The following NCAM2 variants were observed in gnomAD, a reference collection of about 807,000 sequenced individuals.
NCAM2 encodes the protein neural cell adhesion molecule 2.
NCAM2 carries 30 observed loss-of-function variants against 98.1 expected under a neutral mutation model. That is an observed-to-expected ratio of 0.31 (90% CI 0.23 to 0.41). The LOEUF is 0.41. NCAM2 is among the 10% of genes least tolerant of loss of function. NCAM2 has a pLI of 1.00. For synonymous variants in NCAM2, 368 were observed against 342.4 expected (o/e 1.07, Z -0.83); for missense variants, 867 against 1,005.8 (o/e 0.86, Z 1.87).
intron 1 of NCAM2, among the ~76,000 whole-genome samples, chr21:21,020,150 C>T (rs1262294324): frequency 6.6e-6 from 1 of 152,126 alleles, no homozygotes; most frequent in Non-Finnish European, 1.5e-5. Flanking sequence ...ATTCTCCTGC[C>T]TCAGCCTCCC....
At chr21:21,475,568 C>T (rs191305112) in intron 14 of NCAM2, among the ~76,000 whole-genome samples, 5 of 152,244 alleles carry the variant, frequency 3.3e-5, no homozygotes, top group Admixed American at 6.5e-5. Context: ...TCTTTCTTAA[C>T]CTTACTGTCC....
At chr21:21,082,250 T>C (rs2065820119) in intron 1 of NCAM2, among the ~76,000 whole-genome samples, 1 of 125,974 alleles carries the variant, frequency 7.9e-6, no homozygotes, top group Non-Finnish European at 1.6e-5. Context: ...AAAAGAATTC[T>C]CTCATGCTTT....
intron 8 of NCAM2, among the ~76,000 whole-genome samples, 153 bp from the exon 9 acceptor site, chr21:21,373,710 C>T (rs925381035): frequency 6.6e-6 from 1 of 151,648 alleles, no homozygotes; most frequent in Non-Finnish European, 1.5e-5. Flanking sequence ...AAAACTTATT[C>T]TTAGCTATAC....
chr21:21,278,800 A>T (rs535612034), intron 1 of NCAM2, among the ~76,000 whole-genome samples: 55 of 151,836 alleles, frequency 3.6e-4, no homozygotes, highest in African/African-American at 1.2e-3. Context: ...TTATTTATTT[A>T]TTTTTTTTGG....
intron 1 of NCAM2, chr21:21,226,567 A>C (rs2070391625): frequency 6.6e-6 from 1 of 152,052 alleles, no homozygotes; most frequent in Non-Finnish European, 1.5e-5. Flanking sequence ...TTTGTTTCAG[A>C]ACTAAAAATA....
At chr21:21,321,613 C>T (rs1249987637) in intron 5 of NCAM2, among the ~76,000 whole-genome samples, 1 of 152,000 alleles carries the variant, frequency 6.6e-6, no homozygotes, top group Non-Finnish European at 1.5e-5. Context: ...AGATAGTGGT[C>T]CAGTTGAATT....
At chr21:21,411,583 A>G (rs564195008) in intron 10 of NCAM2, among the ~76,000 whole-genome samples, 20 of 152,282 alleles carry the variant, frequency 1.3e-4, no homozygotes, top group African/African-American at 4.1e-4. Context: ...AAAAAAATCT[A>G]TGAAAATGAT....
intron 1 of NCAM2, among the ~76,000 whole-genome samples, chr21:21,270,304 C>G (rs1411087987): frequency 1.3e-5 from 2 of 152,124 alleles, no homozygotes; most frequent in African/African-American, 4.8e-5. Flanking sequence ...TGTTCCTGGT[C>G]TCATAATGTA....
intron 1 of NCAM2, among the ~76,000 whole-genome samples, chr21:21,142,623 C>G (rs904009667): frequency 6.6e-6 from 1 of 152,098 alleles, no homozygotes; most frequent in East Asian, 1.9e-4. Flanking sequence ...TCGTGATCCG[C>G]CCGCCTAGGC....
chr21:21,147,020 T>C (rs1283683968), intron 1 of NCAM2: 1 of 812,690 alleles, frequency 1.2e-6, no homozygotes, highest in East Asian at 1.6e-4. Context: ...CTTCCTGAAA[T>C]CTCGCGCCCT....
At chr21:21,110,392 A>G (rs902502923) in intron 1 of NCAM2, among the ~76,000 whole-genome samples, 10 of 152,072 alleles carry the variant, frequency 6.6e-5, no homozygotes, top group South Asian at 6.2e-4. Context: ...GTTTGGGTTT[A>G]AGCCTGCAGG....
intron 1 of NCAM2, among the ~76,000 whole-genome samples, chr21:21,204,139 G>A (rs1389251460): frequency 2.0e-5 from 3 of 152,068 alleles, no homozygotes; most frequent in African/African-American, 7.2e-5. Flanking sequence ...TTTGACATAG[G>A]TGTATTTGCT....
chr21:21,061,637 G>A (rs1020651926), intron 1 of NCAM2, among the ~76,000 whole-genome samples: 1 of 152,054 alleles, frequency 6.6e-6, no homozygotes, highest in African/African-American at 2.4e-5. Flanking sequence ...TTCTTATGAA[G>A]TAAGTACTAT....
Position 21,345,755 on chromosome 21 carries a change from G to A in NCAM2, c.1044+7221G>A, listed in dbSNP as rs146950979. Among the ~76,000 whole-genome samples, 15 of 152,080 alleles carry A rather than the reference G, an allele frequency of 9.9e-5. No homozygotes were observed. The East Asian group carries it at 1.5e-3, about 16-fold the overall frequency. ...TAGAGAAAAATATCAATATCTAACC[G>A]CAGGAAAGTTATAGAACACAAAAGA... On this transcript the variant is annotated intron_variant, in intron 8 of 17. Coordinates refer to ENST00000400546, the MANE Select transcript of NCAM2 (RefSeq NM_004540.5).
chr21:21,469,752 G>A (rs1183627809), intron 14 of NCAM2, among the ~76,000 whole-genome samples: 1 of 151,796 alleles, frequency 6.6e-6, no homozygotes, highest in African/African-American at 2.4e-5. Flanking sequence ...GATTTTGAAT[G>A]GCATATTTTA....
Position 21,432,111 on chromosome 21 carries a change from T to A in NCAM2, c.1484T>A (p.Val495Glu), listed in dbSNP as rs746260468. Residue 495 changes from valine to glutamate, a missense_variant, in exon 12 of 18, where the codon GTG (valine) becomes GAG (glutamate). Coordinates refer to ENST00000400546, the MANE Select transcript of NCAM2 (RefSeq NM_004540.5). ...FQEYILALADVPSSPYGVKII... is the reference protein window; with the variant it reads ...FQEYILALADEPSSPYGVKII... The stretch of plus-strand genomic sequence containing the variant: ...CTTTATATTTCTTTGTCCATAGACG[T>A]GCCATCCAGTCCCTATGGAGTGAAG... 1.2e-6 allele frequency: 2 copies of A among 1,613,398 alleles called. No individual in the cohort carries two copies. Among genetic ancestry groups the A allele is most frequent in the Non-Finnish European group, 1.7e-6 (2 of 1,179,508 alleles).
intron 11 of NCAM2, among the ~76,000 whole-genome samples, chr21:21,425,661 G>T (rs1326422414): frequency 6.6e-6 from 1 of 151,884 alleles, no homozygotes; most frequent in Non-Finnish European, 1.5e-5. Context: ...AAAAATGAAA[G>T]AAATTTTTCA....
intron 1 of NCAM2, among the ~76,000 whole-genome samples, chr21:21,033,601 G>T (rs891504567): frequency 6.6e-6 from 1 of 152,062 alleles, no homozygotes; most frequent in Non-Finnish European, 1.5e-5. Context: ...AGTTTCTCTG[G>T]GCTTAGGGAT....
intron 1 of NCAM2, among the ~76,000 whole-genome samples, chr21:21,219,123 AT>A (rs1422563957): frequency 6.6e-6 from 1 of 152,208 alleles, no homozygotes. Context: ...CCCAACACAA[AT>A]TCATAAACCT....
Sources: gnomAD v4.1 joint callset for allele counts (sites outside exome capture counted in the v4.1 genomes callset) on GRCh38, gnomAD v4.1.1 for gene constraint, MANE v1.5 for transcripts, NCBI Gene and HGNC (gene_info 2026-07-23, HGNC 2026-07-21) for gene names.